Variants in SLC25A42 observed in about 807,000 individuals in gnomAD.
SLC25A42 encodes the protein mitochondrial coenzyme A transporter SLC25A42.
Under a neutral mutation model 34.7 loss-of-function variants are expected in SLC25A42, and 19 were observed. That is an observed-to-expected ratio of 0.55 (90% CI 0.38 to 0.80). The LOEUF is 0.80. SLC25A42 is among the 30% of genes least tolerant of loss of function. The pLI, the probability that SLC25A42 is intolerant of heterozygous loss-of-function variation, is 0.00. For synonymous variants in SLC25A42, 205 were observed against 191.2 expected (o/e 1.07, Z -0.59); for missense variants, 364 against 441.3 (o/e 0.82, Z 1.57).
In SLC25A42 at chr19:19,111,894, T is replaced by C. The variant is rs1221708919; in HGVS notation, c.*1018T>C. On this transcript the variant is annotated 3_prime_UTR_variant, in exon 8 of 8. Transcript: ENST00000318596. ...ATGAAATGGAGCATGGGGTGCCTGC[T>C]AGCCTCAATCCCCCGAAGTGGGAGC... 1 of 152,164 alleles carries C rather than the reference T, an allele frequency of 6.6e-6. No homozygotes were observed. The highest frequency in any genetic ancestry group is 1.5e-5 in the Non-Finnish European group (1 of 68,046). 9.4% of individuals were successfully genotyped at this position (152,164 alleles called of 1,614,324 possible). A position where few individuals can be genotyped will look rare whatever the true frequency, so the allele number is the denominator to read the frequency against.
chr19:19,094,129 G>A (rs2145914494), intron 1 of SLC25A42, among the ~76,000 whole-genome samples: 1 of 152,326 alleles, frequency 6.6e-6, no homozygotes, highest in Middle Eastern at 3.4e-3. Context: ...AGGTTTCTGT[G>A]CTGCAGTCAC....
At chr19:19,103,381 C>T (rs1396019650) in intron 3 of SLC25A42, among the ~76,000 whole-genome samples, 1 of 152,196 alleles carries the variant, frequency 6.6e-6, no homozygotes, top group African/African-American at 2.4e-5. Context: ...GGGCATGAGT[C>T]ACCGCGCCCG....
In SLC25A42 at chr19:19,110,762, G is replaced by T. The variant is rs775962807; in HGVS notation, c.843G>T (p.Val281=). ...LRTIVREEGA[V]RGLYKGLSMN... Reference sequence around the variant, plus strand: ...CCATCGTGCGGGAGGAGGGCGCCGTGCGCGGCCTCTACAAAGGCTTGAGCA... The same window carrying T: ...CCATCGTGCGGGAGGAGGGCGCCGTTCGCGGCCTCTACAAAGGCTTGAGCA... Residue 281 remains valine, a synonymous_variant, in exon 8 of 8, where the codon GTG becomes GTT. Coordinates refer to ENST00000318596, the MANE Select transcript of SLC25A42 (RefSeq NM_178526.5). The T allele has an allele frequency of 6.2e-7, 1 of 1,613,292 alleles. No homozygotes were observed. Among genetic ancestry groups the T allele is most frequent in the Non-Finnish European group, 8.5e-7 (1 of 1,179,878 alleles).
intron 1 of SLC25A42, among the ~76,000 whole-genome samples, chr19:19,070,267 T>C (rs542992872): frequency 6.6e-6 from 1 of 151,058 alleles, no homozygotes; most frequent in South Asian, 2.1e-4. Flanking sequence ...AGTGCTGGGA[T>C]TACAGGTGTG....
chr19:19,091,107 T>C (rs1315183582), intron 1 of SLC25A42, among the ~76,000 whole-genome samples: 1 of 152,200 alleles, frequency 6.6e-6, no homozygotes, highest in Non-Finnish European at 1.5e-5. Context: ...CTGCGGTCTG[T>C]CCTACCCAGT....
intron 1 of SLC25A42, among the ~76,000 whole-genome samples, chr19:19,082,833 G>A (rs1165396714): frequency 1.3e-5 from 2 of 151,110 alleles, no homozygotes; most frequent in Non-Finnish European, 3.0e-5. Context: ...TGTTGTTGTT[G>A]TTGAGATGGA....
At chr19:19,102,377 A>T (rs559705973) in intron 3 of SLC25A42, among the ~76,000 whole-genome samples, 1 of 151,944 alleles carries the variant, frequency 6.6e-6, no homozygotes, top group South Asian at 2.1e-4. Context: ...CCTCCTGCCT[A>T]AGCCTCCCAA....
chr19:19,107,889 G>A lies in SLC25A42; in HGVS notation c.498-5G>A, dbSNP rs771312034. ...CCCACCTGCTGGGCTGCTCTGTCCT[G>A]GCAGGTACAGCAACATCTTTCATGT... On this transcript the variant is annotated splice_polypyrimidine_tract_variant and splice_region_variant and intron_variant, in intron 6 of 7. Transcript: ENST00000318596. 3 of 1,614,004 alleles carry A rather than the reference G, an allele frequency of 1.9e-6. No individual in the cohort carries two copies. The highest frequency in any genetic ancestry group is 2.5e-6 in the Non-Finnish European group (3 of 1,179,984).
intron 1 of SLC25A42, among the ~76,000 whole-genome samples, chr19:19,091,101 G>A (rs564516647): frequency 1.1e-4 from 16 of 152,246 alleles, no homozygotes; most frequent in East Asian, 3.9e-4. Flanking sequence ...CCAGTTCTGC[G>A]GTCTGTCCTA....
intron 1 of SLC25A42, among the ~76,000 whole-genome samples, chr19:19,087,758 G>C (rs941300816): frequency 6.6e-6 from 1 of 152,218 alleles, no homozygotes; most frequent in African/African-American, 2.4e-5. Flanking sequence ...CCAAATGAGA[G>C]CAGCACAGGC....
chr19:19,098,034 C>T (rs2059774922), intron 2 of SLC25A42, among the ~76,000 whole-genome samples: 1 of 152,184 alleles, frequency 6.6e-6, no homozygotes, highest in East Asian at 1.9e-4. Flanking sequence ...CTGGGATTGC[C>T]CACTTTCTCT....
intron 3 of SLC25A42, among the ~76,000 whole-genome samples, chr19:19,103,534 C>T (rs1174401883): frequency 6.6e-6 from 1 of 152,226 alleles, no homozygotes; most frequent in African/African-American, 2.4e-5. Flanking sequence ...GGTTAGAACT[C>T]AGACATAGCT....
At chr19:19,085,940 G>T (rs1274950574) in intron 1 of SLC25A42, among the ~76,000 whole-genome samples, 1 of 152,180 alleles carries the variant, frequency 6.6e-6, no homozygotes, top group Non-Finnish European at 1.5e-5. Context: ...GCCCTTCCCT[G>T]CCCCTCAACA....
chr19:19,106,450 C>T, intron 6 of SLC25A42, 65 bp downstream of exon 6: 5 of 1,353,622 alleles, frequency 3.7e-6, no homozygotes, highest in Non-Finnish European at 3.1e-6. Context: ...GCTCCCAGGT[C>T]GGAATCCCTC....
rs541065692 is a variant in SLC25A42, at chr19:19,081,984, T to C, written c.-34-14107T>C. 4.4e-4 allele frequency among the ~76,000 whole-genome samples: 67 copies of C among 152,260 alleles called. No homozygotes were observed. The highest frequency in any genetic ancestry group is 1.6e-4 in the Non-Finnish European group (11 of 68,018). On this transcript the variant is annotated intron_variant, in intron 1 of 7. Transcript: ENST00000318596. The surrounding 1 kb of genome is among the most constrained non-coding windows in gnomAD (Gnocchi z 4.5). ...TGGGTACACGTTGTCATGGGAGTGA[T>C]TGGCCTCCTGGGACCACTCCCACTA...
intron 1 of SLC25A42, among the ~76,000 whole-genome samples, chr19:19,092,639 G>A (rs1369302265): frequency 6.6e-6 from 1 of 152,220 alleles, no homozygotes; most frequent in African/African-American, 2.4e-5. Context: ...CCACAGGAGG[G>A]TGGGAGGGAC....
chr19:19,073,373 G>T (rs1182931894), intron 1 of SLC25A42, among the ~76,000 whole-genome samples: 1 of 152,190 alleles, frequency 6.6e-6, no homozygotes, highest in African/African-American at 2.4e-5. Flanking sequence ...GCTCAGTGCA[G>T]GGCAGAGCAG....
intron 5 of SLC25A42, chr19:19,105,932 A>T: frequency 3.5e-6 from 2 of 576,398 alleles, no homozygotes; most frequent in Non-Finnish European, 6.1e-6. Context: ...CTGTCTTCAG[A>T]GCTCCTCTCC....
intron 3 of SLC25A42, 83 bp from the exon 4 acceptor site, chr19:19,104,830 A>T: frequency 6.7e-7 from 1 of 1,482,682 alleles, no homozygotes; most frequent in Non-Finnish European, 9.4e-7. Flanking sequence ...TGACTCTGCT[A>T]GTGGGTGCCA....
Sources: allele counts gnomAD v4.1 joint callset (sites outside exome capture counted in the v4.1 genomes callset), GRCh38; gene constraint gnomAD v4.1.1; non-coding constraint Gnocchi (gnomAD v3.1); transcripts MANE v1.5; gene names NCBI Gene and HGNC (gene_info 2026-07-23, HGNC 2026-07-21).